NAALADL2: variants seen among roughly 807,000 people sequenced by gnomAD.
NAALADL2 encodes inactive N-acetylated-alpha-linked acidic dipeptidase-like protein 2.
NAALADL2 carries 76 observed loss-of-function variants against 87.2 expected under a neutral mutation model. The observed-to-expected ratio is 0.87, with a 90% CI of 0.72 to 1.05. NAALADL2 has a LOEUF of 1.05. Among genes scored for constraint, NAALADL2 ranks in the 50% least tolerant of loss-of-function variants. NAALADL2 has a pLI of 0.00. For missense variants in NAALADL2, 1,089 were observed against 945.8 expected, an observed-to-expected ratio of 1.15 and a Z score of -1.99; for synonymous variants, 354 against 331.0, an observed-to-expected ratio of 1.07 and a Z score of -0.75.
At chr3:175,327,224 G>C (rs1760841981) in intron 5 of NAALADL2, among the ~76,000 whole-genome samples, 1 of 144,764 alleles carries the variant, frequency 6.9e-6, no homozygotes, top group Non-Finnish European at 1.5e-5. Context: ...GGCACAATCT[G>C]GGCTCACTGC....
chr3:175,354,875 T>TAC (rs1764168787), intron 5 of NAALADL2, among the ~76,000 whole-genome samples: 4 of 115,830 alleles, frequency 3.5e-5, no homozygotes, highest in East Asian at 2.9e-4. Flanking sequence ...CATACATACA[T>TAC]ATATATACAC....
At chr3:175,653,779 G>A (rs1244152938) in intron 11 of NAALADL2, among the ~76,000 whole-genome samples, 1 of 152,072 alleles carries the variant, frequency 6.6e-6, no homozygotes, top group South Asian at 2.1e-4. Flanking sequence ...CTCTCTTTGG[G>A]GTTTTCCTTT....
In NAALADL2 at chr3:174,715,998, GTTC is replaced by G. The variant is rs1731147432; in HGVS notation, c.-114-21638_-114-21636del. ...GCTAAAATGCTCAGTCTAATTTTTT[GTTC>G]TTCTCATGTTTGCATGCATCTTACT... On this transcript the variant is annotated intron_variant, in intron 2 of 3. Coordinates refer to the NAALADL2 transcript ENST00000434257. Among the ~76,000 whole-genome samples the G allele has an allele frequency of 2.0e-5, 3 of 151,878 alleles. No individual in the cohort carries two copies. In the South Asian group the frequency reaches 6.2e-4, roughly 32 times the overall value.
At chr3:175,320,686 T>C (rs984662471) in intron 4 of NAALADL2, among the ~76,000 whole-genome samples, 45 of 152,174 alleles carry the variant, frequency 3.0e-4, no homozygotes, top group Admixed American at 3.3e-4. Context: ...ACAACAACTC[T>C]CCTTTTAAAA....
chr3:175,733,199 G>A (rs1449587215), intron 11 of NAALADL2, among the ~76,000 whole-genome samples: 1 of 152,142 alleles, frequency 6.6e-6, no homozygotes, highest in Non-Finnish European at 1.5e-5. Flanking sequence ...TTTTAATGTT[G>A]TATTAGTTCG....
chr3:174,549,472 TA>T (rs1229310032), intron 1 of NAALADL2, among the ~76,000 whole-genome samples: 2 of 152,214 alleles, frequency 1.3e-5, no homozygotes, highest in Non-Finnish European at 2.9e-5. Context: ...GTCAATTAAA[TA>T]TGCAAATCTA....
intron 9 of NAALADL2, among the ~76,000 whole-genome samples, chr3:175,546,537 C>A (rs1713365200): frequency 6.6e-6 from 1 of 152,032 alleles, no homozygotes; most frequent in African/African-American, 2.4e-5. Flanking sequence ...ATTTACTTTC[C>A]ATTTTTAGTG....
intron 13 of NAALADL2, among the ~76,000 whole-genome samples, chr3:175,789,048 CTTTTG>C (rs961115644): frequency 2.0e-5 from 3 of 151,768 alleles, no homozygotes; most frequent in African/African-American, 4.8e-5. Context: ...TTTAGAGTTT[CTTTTG>C]TTTTATTATA....
At chr3:175,344,348 C>T (rs1333986829) in intron 5 of NAALADL2, among the ~76,000 whole-genome samples, 3 of 151,806 alleles carry the variant, frequency 2.0e-5, no homozygotes, top group Non-Finnish European at 4.4e-5. Flanking sequence ...TCTACTTTTA[C>T]ACAATATGGT....
At chr3:174,882,216 C>A (rs149146149) in intron 1 of NAALADL2, among the ~76,000 whole-genome samples, 1 of 151,940 alleles carries the variant, frequency 6.6e-6, no homozygotes, top group Non-Finnish European at 1.5e-5. Flanking sequence ...ATCTCTGTGG[C>A]AGTTCCTTTA....
At chr3:175,389,701 T>G (rs1350426571) in intron 5 of NAALADL2, among the ~76,000 whole-genome samples, 2 of 152,182 alleles carry the variant, frequency 1.3e-5, no homozygotes, top group Admixed American at 1.3e-4. Flanking sequence ...CTGAAAGGAC[T>G]GAGACAAGTA....
chr3:175,284,983 G>C (rs1422647075), intron 4 of NAALADL2, among the ~76,000 whole-genome samples: 2 of 152,098 alleles, frequency 1.3e-5, no homozygotes, highest in East Asian at 3.9e-4. Flanking sequence ...ATGGTGTAAA[G>C]GTAACTCCAT....
intron 1 of NAALADL2, among the ~76,000 whole-genome samples, chr3:174,942,784 A>G (rs1291388938): frequency 6.6e-6 from 1 of 152,156 alleles, no homozygotes; most frequent in Non-Finnish European, 1.5e-5. Context: ...TCAGAGAGCC[A>G]GTCTTCAAGT....
rs192412875 is a variant in NAALADL2 at position 175,259,992 on chromosome 3, C to A, written c.939+3462C>A. Among the ~76,000 whole-genome samples, 200 of 152,008 alleles carry A rather than the reference C, an allele frequency of 1.3e-3. 1 individual carries two copies. Among genetic ancestry groups the A allele is most frequent in the African/African-American group, 4.2e-3 (176 of 41,456 alleles). On this transcript the variant is annotated intron_variant, in intron 4 of 13. Coordinates refer to ENST00000454872, the MANE Select transcript of NAALADL2 (RefSeq NM_207015.3). The stretch of plus-strand genomic sequence containing the variant: ...GTAGTGAGCCAGGATTTCACCACTG[C>A]ACTCCAGCCTGGGTGACAGAATGAA...
intron 9 of NAALADL2, among the ~76,000 whole-genome samples, chr3:175,543,578 G>A (rs1712761959): frequency 6.6e-6 from 1 of 152,068 alleles, no homozygotes; most frequent in Non-Finnish European, 1.5e-5. Flanking sequence ...TTCACGTGGT[G>A]GCAGCAAGGA....
intron 1 of NAALADL2, among the ~76,000 whole-genome samples, chr3:175,037,353 A>G (rs1753544202): frequency 6.6e-6 from 1 of 152,134 alleles, no homozygotes. Flanking sequence ...TAGGGGAAAG[A>G]GGGCTTCATA....
intron 2 of NAALADL2, among the ~76,000 whole-genome samples, chr3:174,730,679 TA>T (rs773586345): frequency 6.6e-5 from 10 of 152,246 alleles, no homozygotes; most frequent in African/African-American, 1.2e-4. Flanking sequence ...TTGATTGACA[TA>T]TTTTTTTAAC....
intron 3 of NAALADL2, among the ~76,000 whole-genome samples, chr3:174,754,722 G>T (rs1317948380): frequency 6.6e-6 from 1 of 151,994 alleles, no homozygotes; most frequent in Non-Finnish European, 1.5e-5. Flanking sequence ...GTTGGAATAT[G>T]AATATTATTA....
At position 175,016,064 on chromosome 3, in the gene NAALADL2, T is replaced by C. The variant is rs546282262; in HGVS notation, c.44-80726T>C. ...ATTTTAGAGAGGGGAAACATTGATATTCTGAATAGTACAATATTCACCTGA... is the reference window on the plus strand; with the variant it reads ...ATTTTAGAGAGGGGAAACATTGATACTCTGAATAGTACAATATTCACCTGA... On this transcript the variant is annotated intron_variant, in intron 1 of 13. Coordinates refer to ENST00000454872, the MANE Select transcript of NAALADL2 (RefSeq NM_207015.3). Among the ~76,000 whole-genome samples, 8 of 151,798 alleles carry C rather than the reference T, an allele frequency of 5.3e-5. No individual in the cohort carries two copies. The South Asian group carries it at 1.2e-3, about 24-fold the overall frequency.
Sources: gnomAD v4.1 joint callset for allele counts (sites outside exome capture counted in the v4.1 genomes callset) on GRCh38, gnomAD v4.1.1 for gene constraint, MANE v1.5 for transcripts, NCBI Gene and HGNC (gene_info 2026-07-23, HGNC 2026-07-21) for gene names.